PAFAH1B3: variants seen among roughly 807,000 people sequenced by gnomAD.
PAFAH1B3 encodes the protein platelet activating factor acetylhydrolase 1b catalytic subunit 3.
Under a neutral mutation model 24.4 loss-of-function variants are expected in PAFAH1B3, and 15 were observed. The observed-to-expected ratio is 0.62, with a 90% confidence interval of 0.41 to 0.95. PAFAH1B3 has a LOEUF of 0.95. Ranked by LOEUF, PAFAH1B3 falls within the 40% of genes least tolerant of loss-of-function variation. The pLI is 0.00. For synonymous variants in PAFAH1B3, 144 were observed against 126.5 expected (o/e 1.14, Z -0.93); for missense variants, 266 against 312.2 (o/e 0.85, Z 1.12).
chr19:42,299,749 C>A (rs1290343147), intron 4 of PAFAH1B3, among the ~76,000 whole-genome samples: 2 of 152,020 alleles, frequency 1.3e-5, no homozygotes, highest in Non-Finnish European at 2.9e-5. Context: ...TTTTCAATAC[C>A]CCCAAAGTCT....
Position 42,297,057 on chromosome 19 carries a change from T to C in PAFAH1B3, c.*21A>G. ...ACACTGAGGAAGGAGAGTTTAATGT[T>C]GTGGGAAGGCAGCAGGATGCTTAGG... is the stretch of plus-strand genomic sequence containing the variant. On this transcript the variant is annotated 3_prime_UTR_variant, in exon 5 of 5. Coordinates refer to ENST00000262890, the MANE Select transcript of PAFAH1B3 (RefSeq NM_002573.4). The C allele has an allele frequency of 6.3e-7, 1 of 1,590,444 alleles. No homozygotes were observed. Among genetic ancestry groups the C allele is most frequent in the Non-Finnish European group, 8.6e-7 (1 of 1,162,440 alleles).
chr19:42,301,849 C>T (rs1008681610), intron 2 of PAFAH1B3, 101 bp downstream of exon 2: 1 of 912,874 alleles, frequency 1.1e-6, no homozygotes, highest in Non-Finnish European at 1.7e-6. Flanking sequence ...TGAGGCCAAT[C>T]TGGGTACTCT....
intron 2 of PAFAH1B3, among the ~76,000 whole-genome samples, chr19:42,301,691 C>T (rs1221999835): frequency 6.6e-6 from 1 of 152,206 alleles, no homozygotes; most frequent in Admixed American, 6.5e-5. Context: ...AAGAAAGAGC[C>T]TCACTTTAGG....
intron 4 of PAFAH1B3, among the ~76,000 whole-genome samples, chr19:42,299,211 G>A (rs1017329835): frequency 6.6e-6 from 1 of 151,302 alleles, no homozygotes; most frequent in Non-Finnish European, 1.5e-5. Context: ...CCACCTCCTG[G>A]GTTCAAGCGA....
At position 42,302,457 on chromosome 19, in the gene PAFAH1B3, T is replaced by A; in HGVS notation, c.-148A>T. 1.5e-6 allele frequency: 1 copy of A among 672,824 alleles called. No individual in the cohort carries two copies. Among genetic ancestry groups the A allele is most frequent in the African/African-American group, 1.8e-5 (1 of 55,326 alleles). The allele number at this position is 672,824 out of a possible 1,614,324, so 41.7% of individuals were successfully genotyped here. A position where few individuals can be genotyped will look rare whatever the true frequency, so the allele number is the denominator to read the frequency against. ...CACACCCGCGGAGGACGAAGGCCGA[T>A]ACAGGGCGCCGCCTCCTCTCCAGGG... On this transcript the variant is annotated 5_prime_UTR_variant, in exon 1 of 5. Transcript: ENST00000262890.
chr19:42,297,234 G>A lies in PAFAH1B3; in HGVS notation c.540C>T (p.His180=). 2 of 1,614,164 alleles carry A rather than the reference G, an allele frequency of 1.2e-6. No individual in the cohort carries two copies. Among genetic ancestry groups the A allele is most frequent in the South Asian group, 1.1e-5 (1 of 91,088 alleles). The stretch of plus-strand genomic sequence containing the variant: ...CATGATGGCTGATGGTGCCATCTGA[G>A]TGCACAAAGCCAGGGTCGGCATCTA... ...HFLDADPGFV[H]SDGTISHHDM... is the part of the protein sequence containing the mutation. Residue 180 remains histidine, a synonymous_variant, in exon 5 of 5, where the codon CAC becomes CAT. Coordinates refer to ENST00000262890, the MANE Select transcript of PAFAH1B3 (RefSeq NM_002573.4).
At chr19:42,301,292 G>A (rs2038622018) in intron 2 of PAFAH1B3, among the ~76,000 whole-genome samples, 1 of 152,156 alleles carries the variant, frequency 6.6e-6, no homozygotes, top group East Asian at 1.9e-4. Flanking sequence ...CAGCTACTCG[G>A]AGACTAAGGT....
intron 4 of PAFAH1B3, among the ~76,000 whole-genome samples, chr19:42,297,747 G>C (rs2038558811): frequency 6.6e-6 from 1 of 151,772 alleles, no homozygotes; most frequent in Non-Finnish European, 1.5e-5. Flanking sequence ...CTAATTTTTT[G>C]TATTTTTATT....
At position 42,301,983 on chromosome 19, in the gene PAFAH1B3, C is replaced by A; in HGVS notation, c.135G>T (p.Gly45=). 1 of 1,567,396 alleles carries A rather than the reference C, an allele frequency of 6.4e-7. No homozygotes were observed. Among genetic ancestry groups the A allele is most frequent in the South Asian group, 1.2e-5 (1 of 85,170 alleles). Residue 45 remains glycine, a synonymous_variant, in exon 2 of 5, where the codon GGG becomes GGT. Transcript: ENST00000262890. Reference sequence around the variant, plus strand: ...GGTGCATGAGCTGGACCAAGGAGTCCCCGATGAAGACGACTTCGGGTTCCT... The same window carrying A: ...GGTGCATGAGCTGGACCAAGGAGTCACCGATGAAGACGACTTCGGGTTCCT... ...KDKEPEVVFI[G]DSLVQLMHQC...
In PAFAH1B3 at chr19:42,302,517, G is replaced by A; in HGVS notation, c.-208C>T. 5.5e-6 allele frequency: 3 copies of A among 542,594 alleles called. No homozygotes were observed. The allele number at this position is 542,594 out of a possible 1,614,324, so 33.6% of individuals were successfully genotyped here. ...TTCACTTAGGAGGTAGGTGGAATCA[G>A]GAACCTTCGCTTCCCCCACGACGGC... On this transcript the variant is annotated 5_prime_UTR_variant, in exon 1 of 5. Coordinates refer to ENST00000262890, the MANE Select transcript of PAFAH1B3 (RefSeq NM_002573.4).
chr19:42,297,449 A>G (rs2038547464), intron 4 of PAFAH1B3, 84 bp from the exon 5 acceptor site: 2 of 986,230 alleles, frequency 2.0e-6, no homozygotes, highest in Non-Finnish European at 2.8e-6. Flanking sequence ...ACCCACCACC[A>G]TGAAGTTTCC....
In PAFAH1B3 at chr19:42,302,277, G is replaced by A; in HGVS notation, c.33C>T (p.Pro11=). 6.2e-7 allele frequency: 1 copy of A among 1,607,172 alleles called. No individual in the cohort carries two copies. The highest frequency in any genetic ancestry group is 1.7e-4 in the Middle Eastern group (1 of 6,052). Residue 11 remains proline (P), a synonymous_variant, in exon 1 of 5, where the codon CCC becomes CCT. Coordinates refer to ENST00000262890, the MANE Select transcript of PAFAH1B3 (RefSeq NM_002573.4). MSGEENPASK[P]TPVQDVQGDG... is the part of the protein sequence containing the mutation. Reference sequence around the variant, plus strand: ...CGCCCTGTACGTCCTGCACCGGCGTGGGCTTGCTGGCTGGGTTCTCCTCTC... The same window carrying A: ...CGCCCTGTACGTCCTGCACCGGCGTAGGCTTGCTGGCTGGGTTCTCCTCTC...
upstream of PAFAH1B3, chr19:42,302,666 A>C: frequency 3.4e-6 from 1 of 297,664 alleles, no homozygotes. Flanking sequence ...GGAGGGAGAA[A>C]CCACCCACCG....
chr19:42,300,825 A>G (rs2038611021), intron 2 of PAFAH1B3, among the ~76,000 whole-genome samples: 1 of 141,104 alleles, frequency 7.1e-6, no homozygotes, highest in Non-Finnish European at 1.5e-5. Context: ...CAGCCTATTT[A>G]TTTTTTGAGA....
At position 42,300,062 on chromosome 19, in the gene PAFAH1B3, G is replaced by C. The variant is rs1168407320; in HGVS notation, c.316C>G (p.His106Asp). The C allele has an allele frequency of 2.5e-6, 4 of 1,614,182 alleles. No individual in the cohort carries two copies. ...IVVVWVGTNN[H>D]GHTAEQVTGG... ...GTCACCTGCTCTGCTGTGTGTCCGT[G>C]GTTGTTGGTGCCCACCCAGACCACC... is the stretch of plus-strand genomic sequence containing the variant. The change falls in exon 4 of 5, where the codon CAC becomes GAC. Residue 106 changes from histidine (H) to aspartate (D), a missense_variant. His to Asp is a moderately conservative substitution (Grantham distance 81). Transcript: ENST00000262890.
At chr19:42,297,418 C>T (rs572646376) in intron 4 of PAFAH1B3, 53 bp from the exon 5 acceptor site, 8 of 1,357,738 alleles carry the variant, frequency 5.9e-6, no homozygotes, top group African/African-American at 4.4e-5. Flanking sequence ...GTATCTTGTT[C>T]TCTGTGCCAA....
rs147131717 is a variant in PAFAH1B3, at chr19:42,300,837, G to A, written c.169-550C>T. 2.7e-3 allele frequency among the ~76,000 whole-genome samples: 401 copies of A among 149,100 alleles called. 4 individuals carry two copies. Among genetic ancestry groups the A allele is most frequent in the South Asian group, 0.016 (74 of 4,670 alleles). ...GCCCAGCCTATTTATTTTTTGAGACGGAGTTTTGCTCTTGTTGCCCAGGCT... is the reference window on the plus strand; with the variant it reads ...GCCCAGCCTATTTATTTTTTGAGACAGAGTTTTGCTCTTGTTGCCCAGGCT... On this transcript the variant is annotated intron_variant, in intron 2 of 4. Transcript: ENST00000262890.
rs1203158458 is a variant in PAFAH1B3 at position 42,302,299 on chromosome 19, T to A, written c.11A>T (p.Glu4Val). 6.2e-7 allele frequency: 1 copy of A among 1,604,518 alleles called. No homozygotes were observed. Among genetic ancestry groups the A allele is most frequent in the Admixed American group, 1.7e-5 (1 of 59,184 alleles). Residue 4 changes from glutamate (E) to valine (V), a missense_variant, in exon 1 of 5, where the codon GAG (glutamate) becomes GTG (valine). Coordinates refer to ENST00000262890, the MANE Select transcript of PAFAH1B3 (RefSeq NM_002573.4). ...CGTGGGCTTGCTGGCTGGGTTCTCC[T>A]CTCCACTCATCTTGGCGCCGCAGCT... is the stretch of plus-strand genomic sequence containing the variant. The part of the protein sequence containing the change: MSG[E>V]ENPASKPTPV...
intron 4 of PAFAH1B3, 122 bp from the exon 5 acceptor site, chr19:42,297,487 AGTG>A: frequency 4.9e-6 from 1 of 203,888 alleles, no homozygotes; most frequent in Non-Finnish European, 9.9e-6. Flanking sequence ...GGGATGGGCA[AGTG>A]GGGAGGGTGG....
Sources: allele counts gnomAD v4.1 joint callset (sites outside exome capture counted in the v4.1 genomes callset), GRCh38; gene constraint gnomAD v4.1.1; transcripts MANE v1.5; gene names NCBI Gene and HGNC (gene_info 2026-07-23, HGNC 2026-07-21).